AKAP7: variants seen among roughly 807,000 people sequenced by gnomAD.
AKAP7 encodes A-kinase anchoring protein 7, also known as A kinase (PRKA) anchor protein 7.
Under a neutral mutation model 39.5 loss-of-function variants are expected in AKAP7, and 39 were observed. That is an observed-to-expected ratio of 0.99 (90% CI 0.76 to 1.29). The LOEUF is 1.29. Among genes scored for constraint, AKAP7 ranks in the 50% most tolerant of loss-of-function variants. The probability of loss-of-function intolerance (pLI) is 0.00; values close to 1 mark genes in which losing one functional copy is unlikely to be tolerated. For synonymous variants in AKAP7, 140 were observed against 139.1 expected, an observed-to-expected ratio of 1.01 and a Z score of -0.05; for missense variants, 414 against 407.7, an observed-to-expected ratio of 1.02 and a Z score of -0.13.
intron 7 of AKAP7, among the ~76,000 whole-genome samples, chr6:131,257,000 C>T (rs957746086): frequency 3.3e-5 from 5 of 151,988 alleles, no homozygotes; most frequent in Non-Finnish European, 7.4e-5. Flanking sequence ...AAAATGGAGG[C>T]TCTAGAGACA....
chr6:131,178,781 C>T (rs1804821782), intron 5 of AKAP7, among the ~76,000 whole-genome samples: 1 of 152,122 alleles, frequency 6.6e-6, no homozygotes, highest in South Asian at 2.1e-4. Context: ...AGATCCAATC[C>T]AGTCATTTGC....
At chr6:131,208,713 T>C (rs540821113) in intron 6 of AKAP7, among the ~76,000 whole-genome samples, 1 of 152,362 alleles carries the variant, frequency 6.6e-6, no homozygotes, top group South Asian at 2.1e-4. Context: ...TGCAAATGCT[T>C]ATTGTGAATC....
At chr6:131,184,460 G>A (rs1443678898) in intron 5 of AKAP7, 1 of 662,974 alleles carries the variant, frequency 1.5e-6, no homozygotes, top group Non-Finnish European at 2.9e-6. Flanking sequence ...CATGATCGCA[G>A]CATCACAAAA....
chr6:131,146,118 G>T (rs1562861769), intron 2 of AKAP7, among the ~76,000 whole-genome samples: 1 of 152,168 alleles, frequency 6.6e-6, no homozygotes, highest in African/African-American at 2.4e-5. Context: ...GCTAGGCATT[G>T]AGAGGGTCCA....
chr6:131,144,087 C>T (rs1203901595), intron 1 of AKAP7, among the ~76,000 whole-genome samples: 1 of 139,426 alleles, frequency 7.2e-6, no homozygotes, highest in African/African-American at 2.7e-5. Context: ...GATAAGGTCA[C>T]AGATCAACAG....
intron 5 of AKAP7, among the ~76,000 whole-genome samples, chr6:131,183,698 C>G (rs1805513920): frequency 6.6e-6 from 1 of 152,108 alleles, no homozygotes. Context: ...CTGCTGCTCC[C>G]CCTGGGGTGG....
intron 5 of AKAP7, among the ~76,000 whole-genome samples, chr6:131,178,079 T>C (rs1359612655): frequency 1.3e-5 from 2 of 152,260 alleles, no homozygotes; most frequent in Non-Finnish European, 2.9e-5. Flanking sequence ...CTCTTTTTGC[T>C]GTCATCTGAA....
intron 5 of AKAP7, among the ~76,000 whole-genome samples, chr6:131,179,306 TG>T (rs938688677): frequency 6.6e-6 from 1 of 152,118 alleles, no homozygotes; most frequent in Non-Finnish European, 1.5e-5. Flanking sequence ...CCCGAGTAGC[TG>T]GGATTACAGG....
intron 5 of AKAP7, among the ~76,000 whole-genome samples, chr6:131,183,151 A>G (rs1445710957): frequency 1.3e-5 from 2 of 152,132 alleles, no homozygotes; most frequent in Non-Finnish European, 2.9e-5. Flanking sequence ...AACGAAAGGA[A>G]AAAAAAGACA....
At chr6:131,168,497 G>A (rs577873964) in intron 4 of AKAP7, among the ~76,000 whole-genome samples, 68 of 152,072 alleles carry the variant, frequency 4.5e-4, no homozygotes, top group African/African-American at 1.5e-3. Flanking sequence ...GAAAGATATC[G>A]CACTTCTAAC....
intron 6 of AKAP7, among the ~76,000 whole-genome samples, chr6:131,203,860 T>C (rs1807846044): frequency 6.6e-6 from 1 of 152,242 alleles, no homozygotes; most frequent in African/African-American, 2.4e-5. Context: ...AATGCTGTTA[T>C]GAACTTCCTT....
At chr6:131,260,128 A>G (rs1813190330) in intron 7 of AKAP7, among the ~76,000 whole-genome samples, 1 of 152,086 alleles carries the variant, frequency 6.6e-6, no homozygotes, top group South Asian at 2.1e-4. Context: ...TGCAAAGGAC[A>G]TGATCTTGTT....
intron 7 of AKAP7, among the ~76,000 whole-genome samples, chr6:131,222,864 T>C (rs1333486261): frequency 1.3e-5 from 2 of 152,246 alleles, no homozygotes; most frequent in East Asian, 1.9e-4. Flanking sequence ...GAGAAATCTT[T>C]CATGAAAGGA....
At chr6:131,226,619 G>A (rs989448211) in intron 7 of AKAP7, among the ~76,000 whole-genome samples, 1 of 152,190 alleles carries the variant, frequency 6.6e-6, no homozygotes, top group Non-Finnish European at 1.5e-5. Flanking sequence ...TGTTCCATTT[G>A]TATTTCCCTT....
intron 5 of AKAP7, among the ~76,000 whole-genome samples, chr6:131,195,329 C>T: frequency 6.6e-6 from 1 of 152,016 alleles, no homozygotes; most frequent in Non-Finnish European, 1.5e-5. Context: ...AACTTTACAC[C>T]TTAACTTTGT....
In AKAP7 at chr6:131,247,343, C is replaced by G. The variant is rs548887587; in HGVS notation, c.850+27535C>G. Among the ~76,000 whole-genome samples the G allele has an allele frequency of 2.1e-5, 2 of 93,366 alleles. 1 individual carries two copies. Among genetic ancestry groups the G allele is most frequent in the Admixed American group, 3.0e-4 (2 of 6,742 alleles). 61.3% of individuals were successfully genotyped at this position (93,366 alleles called of 152,430 possible). On this transcript the variant is annotated intron_variant, in intron 7 of 7. Transcript: ENST00000431975. ...TTTTTTTTCTTTTTTTTTTTTTTTC[C>G]GAGATGGAGTCTCTCTCTGTCACCC...
intron 2 of AKAP7, among the ~76,000 whole-genome samples, chr6:131,149,754 G>A (rs574437686): frequency 6.6e-6 from 1 of 152,296 alleles, no homozygotes; most frequent in South Asian, 2.1e-4. Flanking sequence ...GACTTGGATG[G>A]GGTCTTTGCT....
chr6:131,234,627 T>C (rs1008914635), intron 7 of AKAP7, among the ~76,000 whole-genome samples: 3 of 151,866 alleles, frequency 2.0e-5, no homozygotes, highest in African/African-American at 7.3e-5. Context: ...CACTTTTAAA[T>C]ATTTTTATTT....
At chr6:131,262,092 T>C (rs1309757951) in intron 7 of AKAP7, among the ~76,000 whole-genome samples, 3 of 152,046 alleles carry the variant, frequency 2.0e-5, no homozygotes, top group African/African-American at 7.2e-5. Flanking sequence ...GGAGGGGACA[T>C]TGGCCAACTT....
Sources: allele counts gnomAD v4.1 joint callset (sites outside exome capture counted in the v4.1 genomes callset), GRCh38; gene constraint gnomAD v4.1.1; transcripts MANE v1.5; gene names NCBI Gene and HGNC (gene_info 2026-07-23, HGNC 2026-07-21).